Variants in INPP4B observed in about 807,000 individuals in gnomAD.
INPP4B encodes the protein inositol polyphosphate 4-phosphatase type II.
In INPP4B, 55 loss-of-function variants were observed where a neutral mutation model predicts 122.5. That is an observed-to-expected ratio of 0.45 (90% confidence interval 0.36 to 0.56). INPP4B has a LOEUF of 0.56. INPP4B is among the 20% of genes least tolerant of loss of function. The probability of loss-of-function intolerance (pLI) is 0.00; values close to 1 mark genes in which losing one functional copy is unlikely to be tolerated. For missense variants in INPP4B, 1,000 were observed against 1,097.7 expected (o/e 0.91, Z 1.26); for synonymous variants, 403 against 388.7 (o/e 1.04, Z -0.43).
intron 25 of INPP4B, among the ~76,000 whole-genome samples, chr4:142,075,735 A>C (rs1465542572): frequency 6.6e-6 from 1 of 151,994 alleles, no homozygotes; most frequent in Non-Finnish European, 1.5e-5. Context: ...AGAGACTTTA[A>C]GTCATCTCAT....
At chr4:142,515,843 T>C (rs1825356548) in intron 2 of INPP4B, among the ~76,000 whole-genome samples, 1 of 152,212 alleles carries the variant, frequency 6.6e-6, no homozygotes, top group Admixed American at 6.5e-5. Context: ...TTATGGATGT[T>C]TGTTCTTGAA....
intron 2 of INPP4B, among the ~76,000 whole-genome samples, chr4:142,536,226 T>G (rs1459290749): frequency 2.0e-5 from 2 of 100,238 alleles, no homozygotes; most frequent in Non-Finnish European, 4.8e-5. Flanking sequence ...AATACTTGGT[T>G]CATGAAATTG....
At chr4:142,219,503 C>A (rs1206773858) in intron 12 of INPP4B, among the ~76,000 whole-genome samples, 3 of 152,228 alleles carry the variant, frequency 2.0e-5, no homozygotes, top group South Asian at 4.1e-4. Flanking sequence ...AAGCTTAGTG[C>A]TCCACTTATT....
At chr4:142,098,415 TA>T (rs1344852770) in intron 23 of INPP4B, among the ~76,000 whole-genome samples, 7 of 152,084 alleles carry the variant, frequency 4.6e-5, no homozygotes, top group African/African-American at 1.4e-4. Context: ...AGGAGACACA[TA>T]ATGAGACTTT....
chr4:142,302,333 T>C (rs1445731239), intron 9 of INPP4B, among the ~76,000 whole-genome samples: 1 of 152,156 alleles, frequency 6.6e-6, no homozygotes, highest in African/African-American at 2.4e-5. Flanking sequence ...GCCTGAGTCC[T>C]TGCTTTGCTC....
At chr4:142,390,954 G>C (rs890698708) in intron 7 of INPP4B, among the ~76,000 whole-genome samples, 5 of 152,054 alleles carry the variant, frequency 3.3e-5, no homozygotes, top group African/African-American at 7.2e-5. Context: ...CTTCAATACA[G>C]GTTTCTAGTA....
intron 7 of INPP4B, among the ~76,000 whole-genome samples, chr4:142,329,998 A>G (rs1362135448): frequency 2.0e-5 from 3 of 152,232 alleles, no homozygotes; most frequent in Admixed American, 6.5e-5. Flanking sequence ...TCTCTGGAAA[A>G]AATTTATAAA....
In INPP4B at chr4:142,173,733, G is replaced by A; in HGVS notation, c.1258C>T (p.Leu420=). 1 of 1,613,336 alleles carries A rather than the reference G, an allele frequency of 6.2e-7. No homozygotes were observed. The highest frequency in any genetic ancestry group is 8.5e-7 in the Non-Finnish European group (1 of 1,179,482). The change falls in exon 16 of 26, where the codon CTA becomes TTA. Residue 420 remains leucine (L), a synonymous_variant. Transcript: ENST00000262992. ...GCATGGGTTGCTATAAGAGGTTGTA[G>A]TTGATTGATGTTGCTGAGAACTTCC... ...AKEVLSNINQ[L]QPLIATHADL...
chr4:142,255,343 C>A (rs1246768727), intron 11 of INPP4B, among the ~76,000 whole-genome samples: 1 of 151,520 alleles, frequency 6.6e-6, no homozygotes, highest in Non-Finnish European at 1.5e-5. Flanking sequence ...GGATCAAATT[C>A]ACACATAACA....
chr4:142,333,461 TTC>T (rs1424262031), intron 7 of INPP4B, among the ~76,000 whole-genome samples: 2 of 152,372 alleles, frequency 1.3e-5, no homozygotes, highest in Non-Finnish European at 2.9e-5. Flanking sequence ...ATCTCTCATA[TTC>T]TGTTTTGCAG....
At chr4:142,035,884 G>C (rs1315404510) in intron 25 of INPP4B, among the ~76,000 whole-genome samples, 1 of 152,138 alleles carries the variant, frequency 6.6e-6, no homozygotes, top group Non-Finnish European at 1.5e-5. Context: ...CATGTGTTGG[G>C]TAGGTAGGGA....
At chr4:142,641,729 C>A (rs977814074) in intron 2 of INPP4B, among the ~76,000 whole-genome samples, 4 of 152,168 alleles carry the variant, frequency 2.6e-5, no homozygotes, top group Non-Finnish European at 5.9e-5. Flanking sequence ...AATAAACATA[C>A]GTGTGCATGT....
chr4:142,272,058 T>G (rs1746115412), intron 9 of INPP4B, among the ~76,000 whole-genome samples: 1 of 152,220 alleles, frequency 6.6e-6, no homozygotes, highest in South Asian at 2.1e-4. Context: ...TTCAGTAGAA[T>G]TAACTGAATA....
intron 2 of INPP4B, among the ~76,000 whole-genome samples, chr4:142,514,757 G>A (rs1355377304): frequency 2.7e-5 from 4 of 149,786 alleles, no homozygotes; most frequent in Non-Finnish European, 5.9e-5. Context: ...AGAAAGAGAG[G>A]TATACACTGC....
At chr4:142,646,806 G>A (rs1751885334) in intron 2 of INPP4B, among the ~76,000 whole-genome samples, 1 of 152,200 alleles carries the variant, frequency 6.6e-6, no homozygotes, top group East Asian at 1.9e-4. Context: ...GAGTGCTCCA[G>A]GAAGGCCCTC....
intron 23 of INPP4B, among the ~76,000 whole-genome samples, chr4:142,090,208 G>C (rs926474772): frequency 6.6e-6 from 1 of 152,112 alleles, no homozygotes; most frequent in Non-Finnish European, 1.5e-5. Flanking sequence ...CATAAAGAGA[G>C]TGTGTTAGAA....
In INPP4B at chr4:142,288,696, A is replaced by G. The variant is rs74658031; in HGVS notation, c.503+16762T>C. On this transcript the variant is annotated intron_variant, in intron 9 of 25. Coordinates refer to ENST00000262992, the MANE Select transcript of INPP4B (RefSeq NM_001101669.3). Reference sequence around the variant, plus strand: ...CGCTTTATACATTTTCTTCTCTCTCATCCTTTCTATTTTTTTTCTTTTTCT... The same window carrying G: ...CGCTTTATACATTTTCTTCTCTCTCGTCCTTTCTATTTTTTTTCTTTTTCT... Among the ~76,000 whole-genome samples the G allele has an allele frequency of 7.8e-3, 1,176 of 151,210 alleles. 21 individuals carry two copies. The highest frequency in any genetic ancestry group is 0.027 in the African/African-American group (1,095 of 40,524).
chr4:142,104,191 T>A (rs1785867226), intron 23 of INPP4B, among the ~76,000 whole-genome samples: 1 of 152,114 alleles, frequency 6.6e-6, no homozygotes, highest in Non-Finnish European at 1.5e-5. Context: ...TGGTCCCTCC[T>A]CCCTTAAAGG....
intron 3 of INPP4B, among the ~76,000 whole-genome samples, chr4:142,432,220 T>G (rs995913770): frequency 3.9e-5 from 6 of 152,128 alleles, no homozygotes; most frequent in Non-Finnish European, 5.9e-5. Context: ...TTAAAATGTA[T>G]AAAAATATTT....
Sources: allele counts gnomAD v4.1 joint callset (sites outside exome capture counted in the v4.1 genomes callset), GRCh38; gene constraint gnomAD v4.1.1; transcripts MANE v1.5; gene names NCBI Gene and HGNC (gene_info 2026-07-23, HGNC 2026-07-21).